Variants in POC1B observed in about 807,000 individuals in gnomAD.
POC1B encodes the protein POC1 centriolar protein B, also known as POC1 centriolar protein homolog B.
In POC1B, 44 loss-of-function variants were observed where a neutral mutation model predicts 60.6. The ratio of observed to expected loss-of-function variants is 0.73; its 90% confidence interval spans 0.57 to 0.93. POC1B has a LOEUF of 0.93. POC1B is among the 40% of genes least tolerant of loss of function. The pLI, the probability that POC1B is intolerant of heterozygous loss-of-function variation, is 0.00. For synonymous variants in POC1B, 180 were observed against 198.9 expected (o/e 0.90, Z 0.80); for missense variants, 555 against 572.3 (o/e 0.97, Z 0.31).
At chr12:89,456,162 A>G (rs556543637) in intron 10 of POC1B, among the ~76,000 whole-genome samples, 1 of 152,130 alleles carries the variant, frequency 6.6e-6, no homozygotes, top group Non-Finnish European at 1.5e-5. Flanking sequence ...CTGGAATTAT[A>G]AGCGCACACC....
chr12:89,471,789 C>T lies in POC1B; in HGVS notation c.561-60G>A, dbSNP rs192478484. On this transcript the variant is annotated intron_variant, in intron 5 of 11. Transcript: ENST00000313546. ...ATTTCTTTTTTTTTTTTTTTTGAGACGGAATCTCACTCTTGTCACCCAGGC... is the reference window on the plus strand; with the variant it reads ...ATTTCTTTTTTTTTTTTTTTTGAGATGGAATCTCACTCTTGTCACCCAGGC... 187 of 837,326 alleles carry T rather than the reference C, an allele frequency of 2.2e-4. 1 individual carries two copies. Among genetic ancestry groups the T allele is most frequent in the Middle Eastern group, 1.4e-3 (4 of 2,888 alleles). The allele number at this position is 837,326 out of a possible 1,614,324, so 51.9% of individuals were successfully genotyped here.
At position 89,438,620 on chromosome 12, in the gene POC1B, T is replaced by C. The variant is rs1165649849; in HGVS notation, c.1114-13241A>G. Among the ~76,000 whole-genome samples the C allele has an allele frequency of 2.0e-5, 3 of 152,266 alleles. No homozygotes were observed. In the East Asian group the frequency reaches 5.8e-4, roughly 29 times the overall value. On this transcript the variant is annotated intron_variant, in intron 10 of 11. Coordinates refer to ENST00000313546, the MANE Select transcript of POC1B (RefSeq NM_172240.3). ...CCTTGGCTGCCATGACACCATACTC[T>C]TTGGCTTCCTTGTTACCTACTAGTC...
chr12:89,504,817 C>T (rs1285434755), intron 2 of POC1B, among the ~76,000 whole-genome samples: 1 of 152,042 alleles, frequency 6.6e-6, no homozygotes, highest in Admixed American at 6.5e-5. Flanking sequence ...AAGAATGCTA[C>T]GAATCAGCCA....
At chr12:89,464,483 G>GTGT (rs1882599449) in intron 9 of POC1B, among the ~76,000 whole-genome samples, 2 of 94,742 alleles carry the variant, frequency 2.1e-5, no homozygotes, top group East Asian at 6.5e-4. Context: ...TTTTATAAGA[G>GTGT]TTTTTTTTTT....
At position 89,519,995 on chromosome 12, in the gene POC1B, C is replaced by T. The variant is rs967285177; in HGVS notation, c.100+5125G>A. Reference sequence around the variant, plus strand: ...TCTATAGCCAAAGAGAGCTTTGGTACCAATAAATTCGAATTAGGGAATCGG... The same window carrying T: ...TCTATAGCCAAAGAGAGCTTTGGTATCAATAAATTCGAATTAGGGAATCGG... On this transcript the variant is annotated intron_variant, in intron 2 of 11. Transcript: ENST00000313546. 4 of 151,928 alleles carry T rather than the reference C, an allele frequency of 2.6e-5. No homozygotes were observed. The East Asian group carries it at 5.8e-4, about 22-fold the overall frequency. The allele number at this position is 151,928 out of a possible 1,614,324, so 9.4% of individuals were successfully genotyped here.
chr12:89,490,835 G>C (rs1868926876), intron 4 of POC1B, among the ~76,000 whole-genome samples: 2 of 152,182 alleles, frequency 1.3e-5, no homozygotes, highest in Admixed American at 6.5e-5. Context: ...TGATGTGACA[G>C]CTCGTACTGC....
chr12:89,518,436 G>T (rs1297083017), intron 2 of POC1B, among the ~76,000 whole-genome samples: 1 of 152,114 alleles, frequency 6.6e-6, no homozygotes, highest in African/African-American at 2.4e-5. Flanking sequence ...ATGCAAAGAG[G>T]TCTAGCATGC....
chr12:89,496,480 T>C (rs1419081659), intron 3 of POC1B, among the ~76,000 whole-genome samples: 1 of 152,196 alleles, frequency 6.6e-6, no homozygotes, highest in Non-Finnish European at 1.5e-5. Context: ...CTGTTGAAGC[T>C]GATTGACGGG....
rs1200738755 is a variant in POC1B at position 89,525,901 on chromosome 12, G to C, written c.-6C>G. On this transcript the variant is annotated 5_prime_UTR_variant, in exon 1 of 12. Coordinates refer to ENST00000313546, the MANE Select transcript of POC1B (RefSeq NM_172240.3). ...CTTACCGTGGCTGAGGCCATCGGGG[G>C]AGTGGTCGGCCCAAGGCTCCTGTGG... 1 of 1,482,406 alleles carries C rather than the reference G, an allele frequency of 6.7e-7. No homozygotes were observed. The highest frequency in any genetic ancestry group is 1.3e-5 in the South Asian group (1 of 74,150). The allele number at this position is 1,482,406 out of a possible 1,614,324, so 91.8% of individuals were successfully genotyped here.
At chr12:89,449,198 G>GC (rs1407439696) in intron 10 of POC1B, among the ~76,000 whole-genome samples, 1 of 152,156 alleles carries the variant, frequency 6.6e-6, no homozygotes, top group Non-Finnish European at 1.5e-5. Flanking sequence ...AGCCTTGCTT[G>GC]CCCCCATCAT....
intron 1 of POC1B, 132 bp from the exon 2 acceptor site, chr12:89,525,336 G>A (rs1265765500): frequency 6.9e-7 from 1 of 1,441,120 alleles, no homozygotes; most frequent in Non-Finnish European, 9.1e-7. Flanking sequence ...CTGGGCGGCG[G>A]GGCCGGGCAG....
chr12:89,493,802 G>A (rs750561670), intron 3 of POC1B, among the ~76,000 whole-genome samples: 7 of 152,314 alleles, frequency 4.6e-5, no homozygotes, highest in East Asian at 1.9e-4. Context: ...CCTCTCAGCC[G>A]TAGGCTAAAC....
chr12:89,412,743 G>T, the POC1B span, among the ~76,000 whole-genome samples: 1 of 151,824 alleles, frequency 6.6e-6, no homozygotes, highest in Admixed American at 6.6e-5. Flanking sequence ...ATCCATAGAT[G>T]CTCTCTCATC....
intron 2 of POC1B, chr12:89,523,368 G>A (rs758077834): frequency 1.9e-6 from 3 of 1,614,026 alleles, no homozygotes; most frequent in East Asian, 4.5e-5. Flanking sequence ...TTCTATTGTA[G>A]AAGTGCTCTT....
chr12:89,520,243 T>C (rs1279833175), intron 2 of POC1B: 1 of 152,130 alleles, frequency 6.6e-6, no homozygotes, highest in African/African-American at 2.4e-5. Flanking sequence ...CAATAAAGAA[T>C]TAAGGTACTT....
chr12:89,435,309 T>A (rs1171552849), intron 10 of POC1B, among the ~76,000 whole-genome samples: 1 of 151,698 alleles, frequency 6.6e-6, no homozygotes, highest in Non-Finnish European at 1.5e-5. Context: ...GCCTCCTGAG[T>A]AGCTGGGACT....
chr12:89,496,816 C>T (rs1330399217), intron 3 of POC1B, among the ~76,000 whole-genome samples: 3 of 151,946 alleles, frequency 2.0e-5, no homozygotes, highest in East Asian at 1.9e-4. Flanking sequence ...CATGAACGGG[C>T]GTTAGGAAGT....
intron 2 of POC1B, among the ~76,000 whole-genome samples, chr12:89,506,550 T>C (rs1203667159): frequency 1.3e-5 from 2 of 152,046 alleles, no homozygotes; most frequent in Non-Finnish European, 2.9e-5. Flanking sequence ...ACAAGGACAT[T>C]GTGGTGTCCA....
chr12:89,520,929 TA>T (rs1382718918), intron 2 of POC1B: 2 of 152,164 alleles, frequency 1.3e-5, no homozygotes. Context: ...ACTTCCCGAG[TA>T]ATTTAGTTTG....
Sources: gnomAD v4.1 joint callset for allele counts (sites outside exome capture counted in the v4.1 genomes callset) on GRCh38, gnomAD v4.1.1 for gene constraint, MANE v1.5 for transcripts, NCBI Gene and HGNC (gene_info 2026-07-23, HGNC 2026-07-21) for gene names.